The following PRPF18 variants were observed in gnomAD, a reference collection of about 807,000 sequenced individuals.
The protein encoded by PRPF18 is pre-mRNA-splicing factor 18.
In PRPF18, 38 loss-of-function variants were observed where a neutral mutation model predicts 46.5. The observed-to-expected ratio is 0.82, with a 90% CI of 0.63 to 1.07. The LOEUF (loss-of-function observed/expected upper bound fraction) is 1.07, where lower values mean the gene tolerates loss of function less well. PRPF18 is among the 50% of genes least tolerant of loss of function. PRPF18 has a pLI of 0.00. For missense variants in PRPF18, 263 were observed against 410.0 expected (o/e 0.64, Z 3.10); for synonymous variants, 152 against 146.7 (o/e 1.04, Z -0.26).
downstream of PRPF18, among the ~76,000 whole-genome samples, chr10:13,633,943 G>A (rs1165514368): frequency 2.0e-5 from 3 of 152,192 alleles, no homozygotes; most frequent in Non-Finnish European, 4.4e-5. Flanking sequence ...TTTCATCACA[G>A]ACTCTGCAGT....
chr10:13,636,857 C>T, the PRPF18 span: 107,306 of 152,140 alleles, frequency 0.71, 38,541 homozygotes, highest in East Asian at 0.83. Context: ...AGGTTGTCAG[C>T]ATATTCACAG....
downstream of PRPF18, chr10:13,631,153 G>T (rs11258486): frequency 0.061 from 9,335 of 152,384 alleles, 342 homozygotes; most frequent in Middle Eastern, 0.082. Context: ...GCCAACAGAG[G>T]AGGAAGGTGC....
the PRPF18 span, chr10:13,655,494 A>G: frequency 6.6e-6 from 1 of 152,236 alleles, no homozygotes; most frequent in Admixed American, 6.5e-5. Flanking sequence ...AAGTCCACGG[A>G]ACACCCACCA....
the PRPF18 span, chr10:13,643,933 T>G: frequency 2.6e-5 from 4 of 152,638 alleles, no homozygotes; most frequent in Non-Finnish European, 5.9e-5. Flanking sequence ...AACCTAATCT[T>G]TTTTCCCCCA....
chr10:13,640,821 G>A, the PRPF18 span: 1 of 152,566 alleles, frequency 6.6e-6, no homozygotes, highest in Non-Finnish European at 1.5e-5. Flanking sequence ...TGACATGATA[G>A]TAGCTGCCCT....
intron 4 of PRPF18, among the ~76,000 whole-genome samples, chr10:13,609,289 G>A (rs1221278433): frequency 1.3e-5 from 2 of 152,154 alleles, no homozygotes; most frequent in Admixed American, 6.5e-5. Flanking sequence ...ACAGCCCTAC[G>A]TAGTAGATGG....
chr10:13,633,687 G>A (rs1213059981), downstream of PRPF18, among the ~76,000 whole-genome samples: 8 of 152,106 alleles, frequency 5.3e-5, no homozygotes, highest in Non-Finnish European at 1.5e-5. Context: ...TCTTTCCTTT[G>A]TCTGCATGTC....
chr10:13,608,372 C>G (rs549431632), intron 4 of PRPF18, among the ~76,000 whole-genome samples: 11 of 150,986 alleles, frequency 7.3e-5, no homozygotes, highest in African/African-American at 2.5e-4. Flanking sequence ...TGGCCAGGCC[C>G]GCTCCCCGAC....
chr10:13,610,963 T>C (rs1435565725), intron 5 of PRPF18, among the ~76,000 whole-genome samples: 2 of 152,222 alleles, frequency 1.3e-5, no homozygotes, highest in African/African-American at 4.8e-5. Flanking sequence ...TTTTGTATCA[T>C]GTAAGTAGCA....
In PRPF18 at chr10:13,586,981, T is replaced by TC; in HGVS notation, c.-106_-105insC. The TC allele has an allele frequency of 8.6e-7, 1 of 1,158,512 alleles. No individual in the cohort carries two copies. The highest frequency in any genetic ancestry group is 1.5e-5 in the African/African-American group (1 of 66,030). 71.8% of individuals were successfully genotyped at this position (1,158,512 alleles called of 1,614,324 possible). On this transcript the variant is annotated 5_prime_UTR_variant, in exon 1 of 10. Transcript: ENST00000378572. ...GCTCCTGTCAGTTGTTCTCAGGTGT[T>TC]TGGGCTTGTTGTTCCGTATACTCAG... is the stretch of plus-strand genomic sequence containing the variant.
At chr10:13,623,786 T>C (rs1322681135) in intron 9 of PRPF18, among the ~76,000 whole-genome samples, 1 of 152,200 alleles carries the variant, frequency 6.6e-6, no homozygotes, top group Non-Finnish European at 1.5e-5. Context: ...TTTATTGATT[T>C]CTCCGGATAT....
At chr10:13,652,764 G>A in the PRPF18 span, 1 of 152,182 alleles carries the variant, frequency 6.6e-6, no homozygotes, top group Admixed American at 6.5e-5. Flanking sequence ...ACTTGAGTGT[G>A]GGTCAGCATC....
At chr10:13,606,939 G>T (rs2080195292) in intron 4 of PRPF18, among the ~76,000 whole-genome samples, 1 of 152,086 alleles carries the variant, frequency 6.6e-6, no homozygotes, top group African/African-American at 2.4e-5. Context: ...CCAGCATGTG[G>T]TATTGTTAGT....
intron 5 of PRPF18, among the ~76,000 whole-genome samples, chr10:13,610,521 C>CT (rs2080255289): frequency 6.6e-6 from 1 of 152,106 alleles, no homozygotes; most frequent in Non-Finnish European, 1.5e-5. Context: ...TTTTACTTTT[C>CT]TTTTTTTCAG....
chr10:13,639,839 C>T, the PRPF18 span: 4 of 152,176 alleles, frequency 2.6e-5, no homozygotes, highest in African/African-American at 9.7e-5. Context: ...CAGGATTGGA[C>T]ACGAGAGACT....
At chr10:13,626,802 GA>G (rs375721682) in intron 9 of PRPF18, among the ~76,000 whole-genome samples, 108 of 75,158 alleles carry the variant, frequency 1.4e-3, no homozygotes, top group African/African-American at 3.6e-3. Flanking sequence ...AGAATCGTGT[GA>G]TTTTTTTTTT....
At chr10:13,597,194 T>C (rs2080047923) in intron 1 of PRPF18, among the ~76,000 whole-genome samples, 1 of 152,216 alleles carries the variant, frequency 6.6e-6, no homozygotes. Context: ...TGGTCTCCTC[T>C]TTGCTGATGG....
the PRPF18 span, chr10:13,644,327 T>C: frequency 6.6e-6 from 1 of 152,246 alleles, no homozygotes; most frequent in Non-Finnish European, 1.5e-5. Flanking sequence ...AGTTTGCAAG[T>C]GCTTGTGTAC....
intron 9 of PRPF18, among the ~76,000 whole-genome samples, chr10:13,617,630 G>C (rs1002535432): frequency 3.9e-4 from 59 of 152,148 alleles, no homozygotes; most frequent in African/African-American, 1.4e-3. Context: ...CTATATTGTG[G>C]CCAAAGGTAT....
Sources: gnomAD v4.1 joint callset for allele counts (sites outside exome capture counted in the v4.1 genomes callset) on GRCh38, gnomAD v4.1.1 for gene constraint, MANE v1.5 for transcripts, NCBI Gene and HGNC (gene_info 2026-07-23, HGNC 2026-07-21) for gene names.